The following PCBD1 variants were observed in gnomAD, a reference collection of about 807,000 sequenced individuals.
PCBD1 encodes the protein pterin-4 alpha-carbinolamine dehydratase 1, also known as pterin-4-alpha-carbinolamine dehydratase.
PCBD1 carries 16 observed loss-of-function variants against 12.6 expected under a neutral mutation model. The observed-to-expected ratio is 1.27, with a 90% CI of 0.86 to 1.93. The LOEUF (loss-of-function observed/expected upper bound fraction) is 1.93. PCBD1 is among the 30% of genes most tolerant of loss of function. The pLI is 0.00. For missense variants in PCBD1, 86 were observed against 130.1 expected (o/e 0.66, Z 1.65); for synonymous variants, 53 against 50.2 (o/e 1.05, Z -0.23).
chr10:70,885,749 G>T, intron 2 of PCBD1, 49 bp downstream of exon 2: 1 of 1,610,100 alleles, frequency 6.2e-7, no homozygotes, highest in South Asian at 1.1e-5. Flanking sequence ...TTTGTAAGGT[G>T]ACCCCATCAG....
At chr10:70,885,091 G>A in intron 3 of PCBD1, 61 bp downstream of exon 3, 2 of 1,365,758 alleles carry the variant, frequency 1.5e-6, no homozygotes, top group East Asian at 4.6e-5. Flanking sequence ...TTCAGAATGT[G>A]TCAGAGTTCG....
intron 1 of PCBD1, among the ~76,000 whole-genome samples, chr10:70,886,488 G>A (rs762007366): frequency 6.6e-6 from 1 of 152,112 alleles, no homozygotes; most frequent in Non-Finnish European, 1.5e-5. Context: ...GTTCTTTCCC[G>A]CCCACCCCTA....
chr10:70,885,747 G>T, intron 2 of PCBD1, 51 bp downstream of exon 2: 1 of 1,609,788 alleles, frequency 6.2e-7, no homozygotes, highest in South Asian at 1.1e-5. Flanking sequence ...GCTTTGTAAG[G>T]TGACCCCATC....
intron 2 of PCBD1, 82 bp from the exon 3 acceptor site, chr10:70,885,314 G>A (rs1846565523): frequency 5.8e-6 from 6 of 1,028,398 alleles, no homozygotes; most frequent in South Asian, 1.3e-5. Context: ...CTAGACGCAG[G>A]AGGATGAATT....
chr10:70,888,371 G>T, intron 1 of PCBD1, 160 bp downstream of exon 1: 1 of 741,276 alleles, frequency 1.3e-6, no homozygotes, highest in Non-Finnish European at 1.9e-6. Flanking sequence ...TCCCCTCCCC[G>T]CCGCCAGCGA....
intron 1 of PCBD1, 123 bp downstream of exon 1, chr10:70,888,408 T>G: frequency 8.7e-7 from 1 of 1,147,568 alleles, no homozygotes; most frequent in Non-Finnish European, 1.2e-6. Context: ...GACCCCACTT[T>G]CGGACCCCGG....
At chr10:70,885,664 C>A in intron 2 of PCBD1, 134 bp downstream of exon 2, 1 of 1,129,280 alleles carries the variant, frequency 8.9e-7, no homozygotes, top group Non-Finnish European at 1.3e-6. Context: ...TCCCCACTGG[C>A]ACAGTGCCCA....
intron 1 of PCBD1, among the ~76,000 whole-genome samples, chr10:70,886,766 A>G (rs923425299): frequency 6.6e-6 from 1 of 152,188 alleles, no homozygotes; most frequent in Admixed American, 6.5e-5. Flanking sequence ...CAGCTGGCAA[A>G]CCTAGTGCCC....
intron 1 of PCBD1, 169 bp downstream of exon 1, chr10:70,888,361 TC>T: frequency 1.5e-6 from 1 of 654,556 alleles, no homozygotes. Context: ...GGCTTCAGCT[TC>T]CCCTCCCCGC....
rs1235670674 is a variant in PCBD1 at position 70,884,040 on chromosome 10, G to T, written c.225C>A (p.Ile75=). Residue 75 remains isoleucine (I), a synonymous_variant, in exon 4 of 4, where the codon ATC becomes ATA. Transcript: ENST00000299299. The stretch of plus-strand genomic sequence containing the variant: ...CGGCACACTCATGGGTGCTCAGCGT[G>T]ATGTGGACCTGAAATGAAACCAGAA... ...EWFNVYNKVH[I]TLSTHECAGL... 1.2e-6 allele frequency: 2 copies of T among 1,614,048 alleles called. No homozygotes were observed. Among genetic ancestry groups the T allele is most frequent in the Non-Finnish European group, 1.7e-6 (2 of 1,180,000 alleles).
intron 2 of PCBD1, 64 bp downstream of exon 2, chr10:70,885,734 C>T (rs1056554782): frequency 1.2e-6 from 2 of 1,600,586 alleles, no homozygotes; most frequent in Admixed American, 3.4e-5. Context: ...AGGGAGAGAA[C>T]ATGCTTTGTA....
At chr10:70,883,004 A>G (rs548705033), downstream of PCBD1, among the ~76,000 whole-genome samples, 1 of 152,324 alleles carries the variant, frequency 6.6e-6, no homozygotes, top group African/African-American at 2.4e-5. Context: ...TTGGATTTCC[A>G]ATTTTCAAAT....
chr10:70,883,602 C>CT lies in PCBD1; in HGVS notation c.*347dup, dbSNP rs1202186528. On this transcript the variant is annotated 3_prime_UTR_variant, in exon 4 of 4. Transcript: ENST00000299299. ...TAGGGTCCTGGTTTCTAAGACAAGA[C>CT]TTTATTTCACCCTGTATCACAGCTT... is the stretch of plus-strand genomic sequence containing the variant. 4.2e-6 allele frequency: 5 copies of CT among 1,196,208 alleles called. No individual in the cohort carries two copies. In the African/African-American group the frequency reaches 7.8e-5, roughly 19 times the overall value. 74.1% of individuals were successfully genotyped at this position (1,196,208 alleles called of 1,614,324 possible). A position where few individuals can be genotyped will look rare whatever the true frequency, so the allele number is the denominator to read the frequency against.
intron 1 of PCBD1, among the ~76,000 whole-genome samples, chr10:70,886,797 C>T (rs978033665): frequency 3.9e-5 from 6 of 152,168 alleles, no homozygotes; most frequent in Non-Finnish European, 5.9e-5. Flanking sequence ...ACCTAATGTG[C>T]GAAGTGCCCT....
At chr10:70,888,204 C>A in intron 1 of PCBD1, 1 of 281,918 alleles carries the variant, frequency 3.5e-6, no homozygotes, top group Admixed American at 5.4e-5. Flanking sequence ...GGACGAGATC[C>A]GTGGACTCCT....
Position 70,885,238 on chromosome 10 carries a change from T to C in PCBD1, c.136-6A>G. Reference sequence around the variant, plus strand: ...CTTGTCATGAACCCAAAGGCCTATTTAAGTGGAGTGAGAGCCAGGTTAGTG... The same window carrying C: ...CTTGTCATGAACCCAAAGGCCTATTCAAGTGGAGTGAGAGCCAGGTTAGTG... On this transcript the variant is annotated splice_polypyrimidine_tract_variant and splice_region_variant and intron_variant, in intron 2 of 3. Transcript: ENST00000299299. 2 of 1,612,194 alleles carry C rather than the reference T, an allele frequency of 1.2e-6. No homozygotes were observed. The highest frequency in any genetic ancestry group is 3.3e-4 in the Middle Eastern group (2 of 6,052).
downstream of PCBD1, among the ~76,000 whole-genome samples, chr10:70,882,926 A>G (rs576691519): frequency 6.6e-6 from 1 of 152,132 alleles, no homozygotes; most frequent in South Asian, 2.1e-4. Context: ...TCTGAAAATC[A>G]GAAATCTAAA....
rs1846529235 is a variant in PCBD1 at position 70,883,512 on chromosome 10, A to C, written c.*438T>G. Reference sequence around the variant, plus strand: ...AAAGAAGTTTCTAGAGCCTGAGACCAAGTGATATAATAGTTTTATTTGAGA... The same window carrying C: ...AAAGAAGTTTCTAGAGCCTGAGACCCAGTGATATAATAGTTTTATTTGAGA... On this transcript the variant is annotated 3_prime_UTR_variant, in exon 4 of 4. Coordinates refer to ENST00000299299, the MANE Select transcript of PCBD1 (RefSeq NM_000281.4). The C allele has an allele frequency of 1.9e-6, 2 of 1,079,540 alleles. No homozygotes were observed. Among genetic ancestry groups the C allele is most frequent in the Non-Finnish European group, 2.3e-6 (2 of 885,650 alleles). The allele number at this position is 1,079,540 out of a possible 1,614,324, so 66.9% of individuals were successfully genotyped here.
At chr10:70,884,226 G>C (rs1253640393) in intron 3 of PCBD1, among the ~76,000 whole-genome samples, 178 bp from the exon 4 acceptor site, 1 of 152,058 alleles carries the variant, frequency 6.6e-6, no homozygotes, top group East Asian at 1.9e-4. Context: ...CCCCTTTGCT[G>C]TCTCTCAAAA....
Sources: allele counts gnomAD v4.1 joint callset (sites outside exome capture counted in the v4.1 genomes callset), GRCh38; gene constraint gnomAD v4.1.1; transcripts MANE v1.5; gene names NCBI Gene and HGNC (gene_info 2026-07-23, HGNC 2026-07-21).